Variants in PDZD2 observed in about 807,000 individuals in gnomAD.
The protein encoded by PDZD2 is PDZ domain containing 2, also known as PDZ domain-containing protein 2.
Under a neutral mutation model 220.7 loss-of-function variants are expected in PDZD2, and 90 were observed. The ratio of observed to expected loss-of-function variants is 0.41; its 90% CI spans 0.34 to 0.49. The LOEUF (loss-of-function observed/expected upper bound fraction) is 0.49. Ranked by LOEUF, PDZD2 falls within the 20% of genes least tolerant of loss-of-function variation. The pLI, the probability that PDZD2 is intolerant of heterozygous loss-of-function variation, is 0.28. For synonymous variants in PDZD2, 1,375 were observed against 1,450.5 expected, an observed-to-expected ratio of 0.95 and a Z score of 1.18; for missense variants, 3,174 against 3,608.5, an observed-to-expected ratio of 0.88 and a Z score of 3.08.
chr5:31,984,807 G>C (rs1750589365), intron 3 of PDZD2, among the ~76,000 whole-genome samples: 1 of 152,126 alleles, frequency 6.6e-6, no homozygotes, highest in South Asian at 2.1e-4. Flanking sequence ...CATCCTGGGT[G>C]ACAGAGCAAT....
intron 6 of PDZD2, among the ~76,000 whole-genome samples, chr5:32,028,662 AT>A (rs749566544): frequency 0.16 from 10,547 of 66,834 alleles, 990 homozygotes; most frequent in African/African-American, 0.33. Context: ...TGCTCCTTCT[AT>A]TTTTTTTTTT....
chr5:31,995,468 C>G, intron 3 of PDZD2, 108 bp from the exon 4 acceptor site: 1 of 1,128,224 alleles, frequency 8.9e-7, no homozygotes, highest in East Asian at 2.4e-5. Flanking sequence ...TCTGTGATAT[C>G]TGTGGACAAG....
chr5:31,972,130 T>C (rs763463843), intron 2 of PDZD2, among the ~76,000 whole-genome samples: 1 of 152,230 alleles, frequency 6.6e-6, no homozygotes, highest in Non-Finnish European at 1.5e-5. Flanking sequence ...GTTCAGTGTT[T>C]CGTTGAGGGT....
At chr5:32,056,025 T>C (rs1739054247) in intron 10 of PDZD2, among the ~76,000 whole-genome samples, 5 of 152,238 alleles carry the variant, frequency 3.3e-5, no homozygotes, top group Admixed American at 3.3e-4. Context: ...TATGTGTTCA[T>C]TTACAAGAAA....
chr5:31,873,473 A>G (rs577237321), intron 2 of PDZD2, among the ~76,000 whole-genome samples: 1 of 151,940 alleles, frequency 6.6e-6, no homozygotes, highest in East Asian at 1.9e-4. Flanking sequence ...CACAGCTCAC[A>G]TGATTGTGGA....
At chr5:31,667,893 G>A (rs1262740099) in intron 1 of PDZD2, among the ~76,000 whole-genome samples, 3 of 111,646 alleles carry the variant, frequency 2.7e-5, no homozygotes, top group Non-Finnish European at 3.3e-5. Context: ...ATGGAATCTC[G>A]ATCTCTCGCC....
intron 2 of PDZD2, among the ~76,000 whole-genome samples, chr5:31,824,464 A>T (rs1756089853): frequency 6.6e-6 from 1 of 152,170 alleles, no homozygotes; most frequent in Admixed American, 6.5e-5. Context: ...TGAGAACCAG[A>T]CCAAATTTGA....
intron 2 of PDZD2, among the ~76,000 whole-genome samples, chr5:31,873,538 T>TTTACTTATTTATTTAC (rs1213005893): frequency 2.4e-5 from 3 of 125,602 alleles, no homozygotes; most frequent in African/African-American, 1.2e-4. Flanking sequence ...ATTCTTTTTA[T>TTTACTTATTTATTTAC]TTATTTATTT....
chr5:32,033,897 G>A (rs936679718), intron 6 of PDZD2, among the ~76,000 whole-genome samples: 1 of 152,118 alleles, frequency 6.6e-6, no homozygotes, highest in Non-Finnish European at 1.5e-5. Flanking sequence ...GGGATTACAG[G>A]TGTGAACCAC....
intron 1 of PDZD2, among the ~76,000 whole-genome samples, chr5:31,731,274 T>C (rs1749521972): frequency 6.6e-6 from 1 of 152,222 alleles, no homozygotes. Context: ...CAGGCAACCA[T>C]GGTACCCAGC....
intron 2 of PDZD2, among the ~76,000 whole-genome samples, chr5:31,861,360 G>A (rs923474153): frequency 1.3e-5 from 2 of 152,122 alleles, no homozygotes; most frequent in Non-Finnish European, 2.9e-5. Flanking sequence ...TTTATGCATC[G>A]CTTATCTCCA....
intron 2 of PDZD2, among the ~76,000 whole-genome samples, chr5:31,872,479 C>T (rs890181643): frequency 1.3e-5 from 2 of 152,108 alleles, no homozygotes; most frequent in South Asian, 4.2e-4. Context: ...AACAAGAGGC[C>T]ACCTGGCTGA....
intron 1 of PDZD2, among the ~76,000 whole-genome samples, chr5:31,643,147 T>C (rs1050351071): frequency 3.3e-5 from 5 of 152,192 alleles, no homozygotes; most frequent in African/African-American, 7.2e-5. Context: ...ATCTGCTGTA[T>C]AGGGGGTCCT....
chr5:31,955,502 T>C (rs1419029630), intron 2 of PDZD2, among the ~76,000 whole-genome samples: 1 of 151,938 alleles, frequency 6.6e-6, no homozygotes, highest in Admixed American at 6.6e-5. Context: ...GGTTTTACCA[T>C]GTTGGCCAGG....
chr5:31,883,152 C>T (rs775575095), intron 2 of PDZD2, among the ~76,000 whole-genome samples: 1 of 148,368 alleles, frequency 6.7e-6, no homozygotes, highest in Non-Finnish European at 1.5e-5. Context: ...AATAACTAGA[C>T]AGTCATGATA....
chr5:31,980,399 T>C (rs146483655), intron 2 of PDZD2, among the ~76,000 whole-genome samples: 199 of 152,376 alleles, frequency 1.3e-3, no homozygotes, highest in African/African-American at 4.6e-3. Flanking sequence ...TATTCCATTA[T>C]ATGGATATAT....
At chr5:31,721,430 C>G (rs977528566) in intron 1 of PDZD2, among the ~76,000 whole-genome samples, 1 of 151,708 alleles carries the variant, frequency 6.6e-6, no homozygotes, top group Admixed American at 6.6e-5. Flanking sequence ...GATGTCCTAA[C>G]AGGTTAGGGC....
In PDZD2 at chr5:32,057,734, A is replaced by G; in HGVS notation, c.1974+6A>G. 6.4e-7 allele frequency: 1 copy of G among 1,553,908 alleles called. No homozygotes were observed. Among genetic ancestry groups the G allele is most frequent in the Non-Finnish European group, 8.9e-7 (1 of 1,127,244 alleles). ...AAGCCATTCATACCTTTAAGGTAAC[A>G]ACATTCTTATTGATCTCCTTTATCC... On this transcript the variant is annotated splice_donor_region_variant and intron_variant, in intron 11 of 24. Transcript: ENST00000438447.
chr5:31,694,305 T>C (rs1747271854), intron 1 of PDZD2, among the ~76,000 whole-genome samples: 1 of 151,942 alleles, frequency 6.6e-6, no homozygotes, highest in African/African-American at 2.4e-5. Context: ...GGTGGGAGAA[T>C]CATTTGAACC....
Sources: gnomAD v4.1 joint callset for allele counts (sites outside exome capture counted in the v4.1 genomes callset) on GRCh38, gnomAD v4.1.1 for gene constraint, MANE v1.5 for transcripts, NCBI Gene and HGNC (gene_info 2026-07-23, HGNC 2026-07-21) for gene names.